Variants in FCRL1 observed in about 807,000 individuals in gnomAD.
FCRL1 encodes the protein Fc receptor-like protein 1.
A neutral mutation model predicts 49.2 loss-of-function variants in FCRL1; 34 were observed. That is an observed-to-expected ratio of 0.69 (90% confidence interval 0.53 to 0.92). The LOEUF is 0.92. Among genes scored for constraint, FCRL1 ranks in the 40% least tolerant of loss-of-function variants. FCRL1 has a pLI of 0.00. For missense variants in FCRL1, 524 were observed against 524.1 expected, an observed-to-expected ratio of 1.00 and a Z score of 0.00; for synonymous variants, 218 against 201.6, an observed-to-expected ratio of 1.08 and a Z score of -0.69.
chr1:157,798,313 G>C (rs1651877987), intron 7 of FCRL1, 70 bp from the exon 8 acceptor site: 2 of 1,293,442 alleles, frequency 1.5e-6, no homozygotes, highest in African/African-American at 3.0e-5. Flanking sequence ...CACACTGAAG[G>C]AGAGAAGCCT....
intron 7 of FCRL1, among the ~76,000 whole-genome samples, chr1:157,799,311 T>G (rs1051642909): frequency 5.9e-5 from 9 of 152,186 alleles, no homozygotes; most frequent in African/African-American, 2.2e-4. Context: ...CAATGTGATT[T>G]TAATATTCTG....
chr1:157,800,995 G>A (rs1433084151), intron 6 of FCRL1, among the ~76,000 whole-genome samples: 1 of 152,048 alleles, frequency 6.6e-6, no homozygotes, highest in African/African-American at 2.4e-5. Flanking sequence ...TGGTTCAAGT[G>A]ATTCTCCTGC....
chr1:157,811,743 A>G (rs575137201), intron 1 of FCRL1, among the ~76,000 whole-genome samples: 72 of 152,238 alleles, frequency 4.7e-4, no homozygotes, highest in African/African-American at 1.4e-3. Context: ...TTGAGGCTTC[A>G]CCATCCTTGC....
rs202181493 is a variant in FCRL1 at position 157,801,930 on chromosome 1, T to C, written c.871A>G (p.Thr291Ala). The change falls in exon 5 of 11, where the codon ACA becomes GCA. Residue 291 changes from threonine (T) to alanine (A), a missense_variant. Transcript: ENST00000368176. Reference protein sequence around the residue: ...GLGAQRSEAVTLNFTVPTGAR... With the variant: ...GLGAQRSEAVALNFTVPTGAR... ...TGAGCTATACCTGTGAAGTTGAGTG[T>C]CACCGCCTCACTGCGCTGGGCCCCC... The C allele has an allele frequency of 3.1e-6, 5 of 1,613,458 alleles. No homozygotes were observed. Among genetic ancestry groups the C allele is most frequent in the East Asian group, 2.2e-5 (1 of 44,878 alleles).
chr1:157,813,189 A>G (rs1998816), intron 1 of FCRL1, among the ~76,000 whole-genome samples: 1 of 152,160 alleles, frequency 6.6e-6, no homozygotes, highest in Non-Finnish European at 1.5e-5. Flanking sequence ...TAAAGCAGGA[A>G]CACAACAAAC....
rs1461051425 is a variant in FCRL1 at position 157,800,786 on chromosome 1, G to A, written c.1003+675C>T. On this transcript the variant is annotated intron_variant, in intron 6 of 10. Coordinates refer to ENST00000368176, the MANE Select transcript of FCRL1 (RefSeq NM_052938.5). Reference sequence around the variant, plus strand: ...GAAAAAGCATGTCACAATACTTGAAGGTGAATAAGAATTGATGCACTGACT... The same window carrying A: ...GAAAAAGCATGTCACAATACTTGAAAGTGAATAAGAATTGATGCACTGACT... Among the ~76,000 whole-genome samples the A allele has an allele frequency of 5.9e-5, 9 of 152,232 alleles. No individual in the cohort carries two copies. The East Asian group carries it at 1.7e-3, about 29-fold the overall frequency.
rs1553215560 is a variant in FCRL1 at position 157,804,251 on chromosome 1, C to CCCA, written c.53-141_53-140insTGG. ...AGGCCACCCTACATGTCTCCACCCC[C>CCCA]CCCCCAGTGGCCCATGGGCTTTCCT... On this transcript the variant is annotated intron_variant, in intron 2 of 10. Coordinates refer to ENST00000368176, the MANE Select transcript of FCRL1 (RefSeq NM_052938.5). 2.3e-5 allele frequency: 22 copies of CCCA among 974,838 alleles called. No individual in the cohort carries two copies. The Admixed American group carries it at 5.3e-4, about 23-fold the overall frequency. 60.4% of individuals were successfully genotyped at this position (974,838 alleles called of 1,614,324 possible). A position where few individuals can be genotyped will look rare whatever the true frequency, so the allele number is the denominator to read the frequency against.
At chr1:157,819,385 G>T (rs1655483824) in intron 1 of FCRL1, among the ~76,000 whole-genome samples, 2 of 152,286 alleles carry the variant, frequency 1.3e-5, no homozygotes, top group African/African-American at 4.8e-5. Flanking sequence ...GGGGAAGAGA[G>T]ATGAAGGTGT....
At chr1:157,816,032 C>G (rs557809860) in intron 1 of FCRL1, among the ~76,000 whole-genome samples, 3 of 151,782 alleles carry the variant, frequency 2.0e-5, no homozygotes, top group African/African-American at 7.2e-5. Context: ...ATTTAAAGAA[C>G]TAATACCAAT....
At chr1:157,805,110 C>T (rs992043231) in intron 2 of FCRL1, among the ~76,000 whole-genome samples, 8 of 152,150 alleles carry the variant, frequency 5.3e-5, no homozygotes, top group African/African-American at 1.9e-4. Flanking sequence ...ATCCTACTGC[C>T]TTGGCATCCC....
At chr1:157,808,339 A>T (rs977570870) in intron 1 of FCRL1, among the ~76,000 whole-genome samples, 1 of 152,264 alleles carries the variant, frequency 6.6e-6, no homozygotes. Flanking sequence ...GAGCATCTTA[A>T]GATGGTCTTA....
intron 1 of FCRL1, among the ~76,000 whole-genome samples, chr1:157,813,973 T>C (rs1021844377): frequency 5.3e-5 from 8 of 152,128 alleles, no homozygotes; most frequent in Admixed American, 2.0e-4. Flanking sequence ...GCAAGAATAC[T>C]ATACACAGAA....
chr1:157,800,070 C>T lies in FCRL1; in HGVS notation c.1019G>A (p.Arg340Lys), dbSNP rs1455109434. 9 of 1,613,348 alleles carry T rather than the reference C, an allele frequency of 5.6e-6. No individual in the cohort carries two copies. Among genetic ancestry groups the T allele is most frequent in the Non-Finnish European group, 7.6e-6 (9 of 1,179,626 alleles). Residue 340 changes from arginine to lysine, a missense_variant, in exon 7 of 11, where the codon AGG becomes AAG. Coordinates refer to ENST00000368176, the MANE Select transcript of FCRL1 (RefSeq NM_052938.5). ...LKRKIGRRSA[R>K]DPLRSLPSPL... ...AAACAGGCCTCACCTGAGTGGATCC[C>T]TGGCTGAACGTCTTCCTGAAAGAAA...
At chr1:157,816,906 C>A (rs891588254) in intron 1 of FCRL1, among the ~76,000 whole-genome samples, 2 of 151,620 alleles carry the variant, frequency 1.3e-5, no homozygotes, top group African/African-American at 4.8e-5. Flanking sequence ...ATCCCATTCA[C>A]AATAGTTATA....
Position 157,802,520 on chromosome 1 carries a change from T to C in FCRL1, c.464A>G (p.Asn155Ser), listed in dbSNP as rs775291303. Residue 155 changes from asparagine to serine, a missense_variant, in exon 4 of 11, where the codon AAC becomes AGC. Transcript: ENST00000368176. Reference sequence around the variant, plus strand: ...TGAACGCTGGGTCTTTGACTGAAGGTTTAAACCTACAGCCCCTTTGTACCA... The same window carrying C: ...TGAACGCTGGGTCTTTGACTGAAGGCTTAAACCTACAGCCCCTTTGTACCA... ...FLWYKGAVGL[N>S]LQSKTQRSLT... 6.2e-7 allele frequency: 1 copy of C among 1,614,166 alleles called. No individual in the cohort carries two copies.
rs1302954283 is a variant in FCRL1, at chr1:157,794,782, A to G, written c.*1317T>C. ...CACTTAAAAATGGTTAAAATGATCA[A>G]TTTTATGTTGTGCATATTTACTACA... On this transcript the variant is annotated 3_prime_UTR_variant, in exon 11 of 11. Transcript: ENST00000368176. 1 of 152,174 alleles carries G rather than the reference A, an allele frequency of 6.6e-6. No homozygotes were observed. The highest frequency in any genetic ancestry group is 1.5e-5 in the Non-Finnish European group (1 of 68,012). 9.4% of individuals were successfully genotyped at this position (152,174 alleles called of 1,614,324 possible). A position where few individuals can be genotyped will look rare whatever the true frequency, so the allele number is the denominator to read the frequency against.
chr1:157,811,743 A>T (rs575137201), intron 1 of FCRL1, among the ~76,000 whole-genome samples: 2 of 152,120 alleles, frequency 1.3e-5, no homozygotes, highest in African/African-American at 4.8e-5. Context: ...TTGAGGCTTC[A>T]CCATCCTTGC....
intron 2 of FCRL1, among the ~76,000 whole-genome samples, chr1:157,806,096 A>T (rs940244460): frequency 6.6e-6 from 1 of 152,222 alleles, no homozygotes; most frequent in Non-Finnish European, 1.5e-5. Context: ...TGGTTTCTTC[A>T]TCTTTGATAT....
chr1:157,816,794 T>C (rs1376181186), intron 1 of FCRL1, among the ~76,000 whole-genome samples: 2 of 143,678 alleles, frequency 1.4e-5, no homozygotes. Flanking sequence ...AATAGATAGA[T>C]AGATAGATAG....
Sources: allele counts gnomAD v4.1 joint callset (sites outside exome capture counted in the v4.1 genomes callset), GRCh38; gene constraint gnomAD v4.1.1; transcripts MANE v1.5; gene names NCBI Gene and HGNC (gene_info 2026-07-23, HGNC 2026-07-21).